KCNJ6: variants seen among roughly 807,000 people sequenced by gnomAD.
KCNJ6 encodes the protein potassium inwardly rectifying channel subfamily J member 6, also known as G protein-activated inward rectifier potassium channel 2.
KCNJ6 carries 9 observed loss-of-function variants against 34.2 expected under a neutral mutation model. The observed-to-expected ratio is 0.26, with a 90% CI of 0.16 to 0.46. The LOEUF (loss-of-function observed/expected upper bound fraction) is 0.46. KCNJ6 is among the 20% of genes least tolerant of loss of function. KCNJ6 has a pLI of 1.00. For missense variants in KCNJ6, 236 were observed against 531.3 expected (o/e 0.44, Z 5.46); for synonymous variants, 196 against 207.1 (o/e 0.95, Z 0.46).
intron 2 of KCNJ6, among the ~76,000 whole-genome samples, chr21:37,766,144 A>G (rs1332139115): frequency 2.0e-5 from 3 of 152,218 alleles, no homozygotes; most frequent in Non-Finnish European, 4.4e-5. Context: ...TGAATTTTGT[A>G]TCTGGAGAAA....
intron 2 of KCNJ6, among the ~76,000 whole-genome samples, chr21:37,725,359 C>CTCCA (rs2054848934): frequency 6.6e-6 from 1 of 152,198 alleles, no homozygotes; most frequent in Admixed American, 6.5e-5. Flanking sequence ...CGCCACTGAA[C>CTCCA]TCCAGCCTGG....
At chr21:37,668,897 G>A (rs1425704479) in intron 3 of KCNJ6, among the ~76,000 whole-genome samples, 1 of 152,236 alleles carries the variant, frequency 6.6e-6, no homozygotes, top group South Asian at 2.1e-4. Context: ...GTGCTGCAAA[G>A]CTGGCTTTCG....
intron 2 of KCNJ6, among the ~76,000 whole-genome samples, chr21:37,796,491 G>A (rs2055242714): frequency 6.6e-6 from 1 of 152,136 alleles, no homozygotes; most frequent in Non-Finnish European, 1.5e-5. Flanking sequence ...TCATTTGCGA[G>A]TTAGTTGGAT....
At chr21:37,731,877 A>G (rs858027) in intron 2 of KCNJ6, among the ~76,000 whole-genome samples, 134,632 of 152,188 alleles carry the variant, frequency 0.88, 59,800 homozygotes, top group Non-Finnish European at 0.92. Flanking sequence ...GTCCAGGATG[A>G]GGAGGCCAAG....
At position 37,852,066 on chromosome 21, in the gene KCNJ6, T is replaced by C. The variant is rs540778191; in HGVS notation, c.-27-11357A>G. Among the ~76,000 whole-genome samples the C allele has an allele frequency of 8.5e-5, 13 of 152,340 alleles. No homozygotes were observed. In the South Asian group the frequency reaches 2.7e-3, roughly 32 times the overall value. On this transcript the variant is annotated intron_variant, in intron 1 of 3. Coordinates refer to ENST00000609713, the MANE Select transcript of KCNJ6 (RefSeq NM_002240.5). Reference sequence around the variant, plus strand: ...CAGAAAACCTTTGAACAATAACCTCTGTAGCCAAACATTATAGAAAAAACA... The same window carrying C: ...CAGAAAACCTTTGAACAATAACCTCCGTAGCCAAACATTATAGAAAAAACA...
chr21:37,707,241 T>A (rs2054724896), intron 3 of KCNJ6, among the ~76,000 whole-genome samples: 1 of 152,248 alleles, frequency 6.6e-6, no homozygotes, highest in South Asian at 2.1e-4. Context: ...TTTGTCATTC[T>A]ATCACAGCAC....
At position 37,714,608 on chromosome 21, in the gene KCNJ6, T is replaced by C; in HGVS notation, c.549A>G (p.Ala183=). 6.2e-7 allele frequency: 1 copy of C among 1,614,124 alleles called. No homozygotes were observed. Among genetic ancestry groups the C allele is most frequent in the East Asian group, 2.2e-5 (1 of 44,862 alleles). ...IQSVLGSIVN[A]FMVGCMFVKI... ...TTACAAACATGCATCCCACCATGAA[T>C]GCATTGACAATGGACCCCAACACAG... Residue 183 remains alanine, a synonymous_variant, in exon 3 of 4, where the codon GCA becomes GCG. Transcript: ENST00000609713. The surrounding 1 kb of genome is among the most constrained non-coding windows in gnomAD (Gnocchi z 5.9).
At chr21:37,824,676 T>C (rs890455649) in intron 2 of KCNJ6, among the ~76,000 whole-genome samples, 2 of 152,198 alleles carry the variant, frequency 1.3e-5, no homozygotes, top group African/African-American at 4.8e-5. Flanking sequence ...TGACGGGCTT[T>C]CCTGCGCACA....
intron 3 of KCNJ6, among the ~76,000 whole-genome samples, chr21:37,699,891 T>C (rs2054681801): frequency 6.6e-6 from 1 of 152,172 alleles, no homozygotes; most frequent in African/African-American, 2.4e-5. Context: ...AATTTTTACA[T>C]TAAATGACAT....
At chr21:37,668,790 A>G (rs1286919472) in intron 3 of KCNJ6, among the ~76,000 whole-genome samples, 1 of 152,158 alleles carries the variant, frequency 6.6e-6, no homozygotes, top group Non-Finnish European at 1.5e-5. Context: ...CTTTTTGCAA[A>G]TTATATACTG....
intron 3 of KCNJ6, among the ~76,000 whole-genome samples, chr21:37,634,619 A>G (rs982617642): frequency 7.9e-5 from 12 of 152,148 alleles, no homozygotes; most frequent in Admixed American, 6.6e-4. Context: ...TAAATTACAC[A>G]TGCAGGGTCT....
intron 3 of KCNJ6, among the ~76,000 whole-genome samples, chr21:37,626,131 T>TTC (rs1277525165): frequency 9.1e-5 from 1 of 10,974 alleles, no homozygotes; most frequent in Admixed American, 1.4e-3. Flanking sequence ...TTCCCCCTTC[T>TTC]TTTTTTTTTT....
chr21:37,737,553 T>C (rs1459065336), intron 2 of KCNJ6, among the ~76,000 whole-genome samples: 1 of 152,242 alleles, frequency 6.6e-6, no homozygotes, highest in African/African-American at 2.4e-5. Flanking sequence ...GCTCTGATCA[T>C]AATTGATCTG....
At chr21:37,831,096 A>G (rs1429101367) in intron 2 of KCNJ6, among the ~76,000 whole-genome samples, 3 of 152,192 alleles carry the variant, frequency 2.0e-5, no homozygotes, top group African/African-American at 7.2e-5. Context: ...CTTCTAGTCC[A>G]TTTCAGCCCT....
intron 2 of KCNJ6, among the ~76,000 whole-genome samples, chr21:37,728,008 T>C (rs551897559): frequency 6.6e-6 from 1 of 152,344 alleles, no homozygotes; most frequent in African/African-American, 2.4e-5. Context: ...TATATCCATG[T>C]TCATAGCAGC....
At chr21:37,781,513 C>G (rs929248145) in intron 2 of KCNJ6, among the ~76,000 whole-genome samples, 1 of 152,078 alleles carries the variant, frequency 6.6e-6, no homozygotes. Context: ...TTGCAGCATA[C>G]AAGGCACTAA....
intron 3 of KCNJ6, among the ~76,000 whole-genome samples, chr21:37,692,731 T>C (rs1422315041): frequency 1.3e-5 from 2 of 152,182 alleles, no homozygotes; most frequent in Non-Finnish European, 2.9e-5. Flanking sequence ...ATATTGACAA[T>C]GTGACATTCT....
At chr21:37,680,747 AGGTCTTG>A (rs1317980936) in intron 3 of KCNJ6, among the ~76,000 whole-genome samples, 2 of 152,204 alleles carry the variant, frequency 1.3e-5, no homozygotes, top group Admixed American at 1.3e-4. Context: ...AGGAAACTGC[AGGTCTTG>A]GGAATTCTGA....
At chr21:37,891,402 C>T (rs1007836275) in intron 1 of KCNJ6, among the ~76,000 whole-genome samples, 2 of 151,992 alleles carry the variant, frequency 1.3e-5, no homozygotes, top group Non-Finnish European at 2.9e-5. Flanking sequence ...GCACTGTACA[C>T]GATGTCATTT....
Sources: gnomAD v4.1 joint callset for allele counts (sites outside exome capture counted in the v4.1 genomes callset) on GRCh38, gnomAD v4.1.1 for gene constraint, Gnocchi (gnomAD v3.1) non-coding constraint, MANE v1.5 for transcripts, NCBI Gene and HGNC (gene_info 2026-07-23, HGNC 2026-07-21) for gene names.